Variants in DPH6 observed in about 807,000 individuals in gnomAD.
DPH6 encodes the protein diphthine--ammonia ligase.
A neutral mutation model predicts 38.2 loss-of-function variants in DPH6; 33 were observed. The ratio of observed to expected loss-of-function variants is 0.86; its 90% CI spans 0.65 to 1.15. The LOEUF (loss-of-function observed/expected upper bound fraction) is 1.15. Ranked by LOEUF, DPH6 falls within the 50% of genes most tolerant of loss-of-function variation. The probability of loss-of-function intolerance (pLI) is 0.00; values close to 1 mark genes in which losing one functional copy is unlikely to be tolerated. For missense variants in DPH6, 325 were observed against 320.0 expected (o/e 1.02, Z -0.12); for synonymous variants, 108 against 103.0 (o/e 1.05, Z -0.30).
At chr15:35,316,670 A>C (rs1034401227) in intron 3 of DPH6, among the ~76,000 whole-genome samples, 3 of 152,202 alleles carry the variant, frequency 2.0e-5, no homozygotes, top group Non-Finnish European at 4.4e-5. Flanking sequence ...AGAAGAGAAA[A>C]AAATAAGACA....
At chr15:35,278,225 G>C (rs1421627325) in intron 3 of DPH6, among the ~76,000 whole-genome samples, 1 of 152,192 alleles carries the variant, frequency 6.6e-6, no homozygotes, top group Non-Finnish European at 1.5e-5. Flanking sequence ...GCCTTGGGAG[G>C]CTACTCCCTG....
At chr15:35,245,586 T>C (rs920518030) in intron 3 of DPH6, among the ~76,000 whole-genome samples, 1 of 152,170 alleles carries the variant, frequency 6.6e-6, no homozygotes, top group Non-Finnish European at 1.5e-5. Context: ...TTATATTGGT[T>C]AGCTTCAGGG....
At chr15:35,191,538 G>A in the DPH6 span, among the ~76,000 whole-genome samples, 2 of 152,138 alleles carry the variant, frequency 1.3e-5, no homozygotes, top group South Asian at 2.1e-4. Context: ...ACAGGGATAC[G>A]AACCAAAGTT....
At chr15:35,177,835 G>A in the DPH6 span, among the ~76,000 whole-genome samples, 8 of 151,992 alleles carry the variant, frequency 5.3e-5, no homozygotes, top group Non-Finnish European at 5.9e-5. Context: ...CCAGCTACTC[G>A]GGAGGCTGAG....
intron 6 of DPH6, among the ~76,000 whole-genome samples, chr15:35,383,817 C>T (rs2052904439): frequency 6.6e-6 from 1 of 152,156 alleles, no homozygotes; most frequent in Non-Finnish European, 1.5e-5. Context: ...TACTTTTAGC[C>T]AGCTCAAAGG....
chr15:35,213,021 A>G (rs79527220), downstream of DPH6, among the ~76,000 whole-genome samples: 4 of 152,374 alleles, frequency 2.6e-5, no homozygotes, highest in East Asian at 7.7e-4. Context: ...AAAGAAATTC[A>G]TTTGCCTCAC....
chr15:35,370,289 A>T (rs911228283), downstream of DPH6, among the ~76,000 whole-genome samples: 1 of 151,738 alleles, frequency 6.6e-6, no homozygotes, highest in African/African-American at 2.4e-5. Context: ...ATGATTTTAC[A>T]GATAGATATA....
intron 3 of DPH6, among the ~76,000 whole-genome samples, chr15:35,358,261 C>G (rs1436646050): frequency 4.6e-5 from 7 of 151,954 alleles, no homozygotes; most frequent in Admixed American, 6.6e-5. Flanking sequence ...TATCTATTTC[C>G]TTGAATATTT....
intron 3 of DPH6, among the ~76,000 whole-genome samples, chr15:35,283,167 C>A (rs1197304577): frequency 1.3e-5 from 2 of 148,500 alleles, no homozygotes; most frequent in African/African-American, 2.5e-5. Flanking sequence ...CCCTCCCCCT[C>A]CCCCTCTTCC....
At chr15:35,163,448 A>G in the DPH6 span, among the ~76,000 whole-genome samples, 8 of 151,904 alleles carry the variant, frequency 5.3e-5, no homozygotes, top group Non-Finnish European at 1.2e-4. Flanking sequence ...ACAGTAAGAT[A>G]TGTTTAAAAT....
chr15:35,539,712 G>A (rs184544409), intron 2 of DPH6, among the ~76,000 whole-genome samples: 1 of 152,138 alleles, frequency 6.6e-6, no homozygotes, highest in East Asian at 1.9e-4. Flanking sequence ...ATGTGTGTAT[G>A]TATGAATATA....
At chr15:35,237,889 C>G in intron 3 of DPH6, 1 of 1,438,276 alleles carries the variant, frequency 7.0e-7, no homozygotes, top group Non-Finnish European at 9.7e-7. Context: ...TAGTGGAGGA[C>G]GAGGAGGAGG....
intron 3 of DPH6, among the ~76,000 whole-genome samples, chr15:35,305,266 A>G (rs1028211159): frequency 6.6e-6 from 1 of 152,146 alleles, no homozygotes; most frequent in African/African-American, 2.4e-5. Flanking sequence ...TTGCCTCCAA[A>G]TAATTATTAA....
intron 3 of DPH6, among the ~76,000 whole-genome samples, chr15:35,487,127 C>T (rs903118360): frequency 6.6e-6 from 1 of 152,198 alleles, no homozygotes; most frequent in African/African-American, 2.4e-5. Flanking sequence ...AAAGCTCCTG[C>T]AGCTGCTTTC....
At chr15:35,513,331 A>T (rs1348707739) in intron 3 of DPH6, among the ~76,000 whole-genome samples, 1 of 152,046 alleles carries the variant, frequency 6.6e-6, no homozygotes, top group African/African-American at 2.4e-5. Context: ...CAGGAAGAAC[A>T]TGGGTGAGTA....
chr15:35,536,318 A>G (rs2055168470), intron 3 of DPH6, among the ~76,000 whole-genome samples: 1 of 152,038 alleles, frequency 6.6e-6, no homozygotes, highest in South Asian at 2.1e-4. Context: ...AATATCCTAT[A>G]GTAAAATTAA....
the DPH6 span, among the ~76,000 whole-genome samples, chr15:35,174,539 A>G: frequency 2.0e-5 from 3 of 152,240 alleles, no homozygotes; most frequent in African/African-American, 7.2e-5. Context: ...AATAAATTGA[A>G]CACTAGGATT....
intron 3 of DPH6, among the ~76,000 whole-genome samples, chr15:35,344,244 G>A (rs1052917821): frequency 1.3e-5 from 2 of 151,978 alleles, no homozygotes; most frequent in African/African-American, 4.8e-5. Flanking sequence ...AATGTGAATT[G>A]CTGATCCTAA....
Position 35,489,910 on chromosome 15 carries a change from A to G in DPH6, c.313-35090T>C, listed in dbSNP as rs114517337. The G allele has an allele frequency of 6.0e-3, 5,843 of 966,724 alleles. 204 individuals carry two copies. The African/African-American group carries it at 0.08, about 13-fold the overall frequency. 59.9% of individuals were successfully genotyped at this position (966,724 alleles called of 1,614,324 possible). The stretch of plus-strand genomic sequence containing the variant: ...ACATTTTTCTGTACTAAAAATCTAT[A>G]ATGATTACTTTTTAAAAGTATCAAA... On this transcript the variant is annotated intron_variant, in intron 3 of 8. Coordinates refer to ENST00000256538, the MANE Select transcript of DPH6 (RefSeq NM_080650.4).
Sources: allele counts gnomAD v4.1 joint callset (sites outside exome capture counted in the v4.1 genomes callset), GRCh38; gene constraint gnomAD v4.1.1; transcripts MANE v1.5; gene names NCBI Gene and HGNC (gene_info 2026-07-23, HGNC 2026-07-21).